Variants in XKRX observed in about 807,000 individuals in gnomAD.
XKRX encodes XK related X-linked, also known as XK-related protein 2.
A neutral mutation model predicts 22.4 loss-of-function variants in XKRX; 11 were observed. That is an observed-to-expected ratio of 0.49 (90% CI 0.31 to 0.81). XKRX has a LOEUF of 0.81. XKRX is among the 40% of genes least tolerant of loss of function. The pLI, the probability that XKRX is intolerant of heterozygous loss-of-function variation, is 0.05. For missense variants in XKRX, 320 were observed against 336.5 expected, an observed-to-expected ratio of 0.95 and a Z score of 0.38; for synonymous variants, 114 against 132.2, an observed-to-expected ratio of 0.86 and a Z score of 0.94.
chrX:100,926,114 T>C (rs2085496877), intron 1 of XKRX, among the ~76,000 whole-genome samples: 1 of 111,963 alleles, frequency 8.9e-6, no homozygotes, highest in Non-Finnish European at 1.9e-5. Flanking sequence ...ATTTATCATC[T>C]CACACAAGGC....
chrX:100,940,749 A>G, the XKRX span, among the ~76,000 whole-genome samples: 1 of 111,683 alleles, frequency 9.0e-6, no homozygotes, highest in Non-Finnish European at 1.9e-5. Context: ...CTGAGAATCT[A>G]TGTTTTAAGC....
the XKRX span, among the ~76,000 whole-genome samples, chrX:100,937,203 C>CT: frequency 1.8e-5 from 2 of 110,668 alleles, no homozygotes; most frequent in Non-Finnish European, 3.8e-5. Flanking sequence ...GTTGGCCAGG[C>CT]TGGTCTCGAA....
chrX:100,897,593 A>ATATATG, the XKRX span, among the ~76,000 whole-genome samples: 23 of 66,458 alleles, frequency 3.5e-4, no homozygotes, highest in African/African-American at 1.4e-3. Context: ...AAATATATAT[A>ATATATG]TGTGTGTGTG....
chrX:100,916,630 T>C (rs967611315), intron 2 of XKRX, among the ~76,000 whole-genome samples: 3 of 112,238 alleles, frequency 2.7e-5, no homozygotes, highest in African/African-American at 9.7e-5. Context: ...GGAACTAACA[T>C]TGTTTGTGTG....
chrX:100,896,743 T>C, the XKRX span, among the ~76,000 whole-genome samples: 1,599 of 111,536 alleles, frequency 0.014, 25 homozygotes, highest in African/African-American at 0.05. Context: ...GGCAGGAGGA[T>C]TGTTTGAGCC....
the XKRX span, among the ~76,000 whole-genome samples, chrX:100,942,973 A>C: frequency 1.5e-4 from 17 of 111,621 alleles, no homozygotes; most frequent in African/African-American, 4.9e-4. Flanking sequence ...CTCCCATAAC[A>C]TGTTCTGAGC....
rs2085505862 is a variant in XKRX, at chrX:100,928,129, C to T, written c.176G>A (p.Arg59Gln). The stretch of plus-strand genomic sequence containing the variant: ...CATCCAGTAAGTTTCACTATTCTTT[C>T]GATAGATTCTAACCATGTACAAAGC... ...ASALYMVRIY[R>Q]KNSETYWMTY... The change falls in exon 1 of 3, where the codon CGA becomes CAA. Residue 59 changes from arginine to glutamine, a missense_variant. Transcript: ENST00000372956. 1 of 1,211,370 alleles carries T rather than the reference C, an allele frequency of 8.3e-7. No homozygotes were observed. The highest frequency in any genetic ancestry group is 1.1e-6 in the Non-Finnish European group (1 of 895,417).
At chrX:100,947,856 C>G in the XKRX span, among the ~76,000 whole-genome samples, 3 of 111,634 alleles carry the variant, frequency 2.7e-5, no homozygotes, top group Non-Finnish European at 5.6e-5. Context: ...ATTACATTCA[C>G]TTATTTATTC....
the XKRX span, among the ~76,000 whole-genome samples, chrX:100,934,452 CCTT>C: frequency 1.8e-5 from 2 of 111,518 alleles, no homozygotes; most frequent in Non-Finnish European, 3.8e-5. Context: ...AGGCAGAATT[CCTT>C]CTTCTTCAGG....
At chrX:100,936,026 G>A in the XKRX span, among the ~76,000 whole-genome samples, 1 of 111,138 alleles carries the variant, frequency 9.0e-6, no homozygotes, top group African/African-American at 3.3e-5. Context: ...CAGCTGTGAT[G>A]TTGGCTATAT....
chrX:100,950,538 T>C, the XKRX span, among the ~76,000 whole-genome samples: 1 of 112,288 alleles, frequency 8.9e-6, no homozygotes, highest in African/African-American at 3.2e-5. Flanking sequence ...CATCAAGGTC[T>C]AATTGACATT....
chrX:100,928,218 G>T lies in XKRX; in HGVS notation c.87C>A (p.Pro29=), dbSNP rs780972924. 3 of 1,211,931 alleles carry T rather than the reference G, an allele frequency of 2.5e-6. No individual in the cohort carries two copies. Among genetic ancestry groups the T allele is most frequent in the Non-Finnish European group, 2.2e-6 (2 of 895,587 alleles). The change falls in exon 1 of 3, where the codon CCC becomes CCA. Residue 29 remains proline, a synonymous_variant. Transcript: ENST00000372956. ...LEEDVIRGAN[P]RFTFPFSILF... ...GGATGCTAAATGGAAAAGTAAATCGGGGGTTGGCTCCACGGATGACATCTT... is the reference window on the plus strand; with the variant it reads ...GGATGCTAAATGGAAAAGTAAATCGTGGGTTGGCTCCACGGATGACATCTT...
At chrX:100,947,667 C>T in the XKRX span, among the ~76,000 whole-genome samples, 1 of 111,850 alleles carries the variant, frequency 8.9e-6, no homozygotes, top group Non-Finnish European at 1.9e-5. Flanking sequence ...AGGCACAAAG[C>T]GCAGCTCTGC....
At chrX:100,936,799 C>A in the XKRX span, among the ~76,000 whole-genome samples, 2 of 108,923 alleles carry the variant, frequency 1.8e-5, no homozygotes, top group African/African-American at 6.7e-5. Context: ...CACTTTAAAA[C>A]CATCAGCTCT....
In XKRX at chrX:100,914,611, C is replaced by A. The variant is rs2085422875; in HGVS notation, c.1077G>T (p.Glu359Asp). Residue 359 changes from glutamate to aspartate, a missense_variant, in exon 3 of 3, where the codon GAG becomes GAT. By Grantham distance (45) the Glu-to-Asp change is conservative. Transcript: ENST00000372956. The part of the protein sequence containing the change: ...MGLHYSVRLV[E>D]NVIMVLVFKF... ...TAAAAACCAAGACCATGATCACATTCTCTACCAACCTCACACTATAGTGCA... is the reference window on the plus strand; with the variant it reads ...TAAAAACCAAGACCATGATCACATTATCTACCAACCTCACACTATAGTGCA... The A allele has an allele frequency of 8.3e-7, 1 of 1,210,373 alleles. No individual in the cohort carries two copies. Among genetic ancestry groups the A allele is most frequent in the Non-Finnish European group, 1.1e-6 (1 of 895,439 alleles).
the XKRX span, among the ~76,000 whole-genome samples, chrX:100,902,202 G>T: frequency 1.4e-4 from 16 of 111,594 alleles, no homozygotes; most frequent in Admixed American, 2.9e-4. Context: ...AATAAGTCTA[G>T]AAATTAAAAC....
At chrX:100,924,547 T>C (rs757120020) in intron 1 of XKRX, among the ~76,000 whole-genome samples, 2 of 111,534 alleles carry the variant, frequency 1.8e-5, no homozygotes, top group South Asian at 7.6e-4. Context: ...AACTAGAACA[T>C]CTTGTTCTGG....
chrX:100,945,953 G>A, the XKRX span, among the ~76,000 whole-genome samples: 1 of 111,038 alleles, frequency 9.0e-6, no homozygotes, highest in Admixed American at 9.6e-5. Context: ...TGGGAGGCTA[G>A]GCGGACGAAT....
At chrX:100,898,774 C>CA in the XKRX span, among the ~76,000 whole-genome samples, 2 of 110,495 alleles carry the variant, frequency 1.8e-5, no homozygotes, top group East Asian at 2.8e-4. Context: ...GACTACCCCC[C>CA]AAAAAAGAGC....
Sources: allele counts gnomAD v4.1 joint callset (sites outside exome capture counted in the v4.1 genomes callset), GRCh38; gene constraint gnomAD v4.1.1; transcripts MANE v1.5; gene names NCBI Gene and HGNC (gene_info 2026-07-23, HGNC 2026-07-21).